The following KSR2 variants were observed in gnomAD, a reference collection of about 807,000 sequenced individuals.
KSR2 encodes kinase suppressor of ras 2.
A neutral mutation model predicts 107.8 loss-of-function variants in KSR2; 25 were observed. The ratio of observed to expected loss-of-function variants is 0.23; its 90% CI spans 0.17 to 0.32. KSR2 has a LOEUF of 0.32. Among genes scored for constraint, KSR2 ranks in the 10% least tolerant of loss-of-function variants. The probability of loss-of-function intolerance (pLI) is 1.00; values close to 1 mark genes in which losing one functional copy is unlikely to be tolerated. For synonymous variants in KSR2, 480 were observed against 507.0 expected (o/e 0.95, Z 0.71); for missense variants, 887 against 1,268.9 (o/e 0.70, Z 4.57).
At chr12:117,733,657 T>C (rs1283651281) in intron 4 of KSR2, among the ~76,000 whole-genome samples, 2 of 152,314 alleles carry the variant, frequency 1.3e-5, no homozygotes, top group East Asian at 1.9e-4. Context: ...CTGTCACAGA[T>C]GCTAATTCCT....
In KSR2 at chr12:117,968,879, G is replaced by T; in HGVS notation, c.-624C>A. 4.2e-6 allele frequency: 1 copy of T among 236,312 alleles called. No individual in the cohort carries two copies. The highest frequency in any genetic ancestry group is 8.4e-6 in the Non-Finnish European group (1 of 119,580). 14.6% of individuals were successfully genotyped at this position (236,312 alleles called of 1,614,324 possible). On this transcript the variant is annotated 5_prime_UTR_variant, in exon 1 of 20. Coordinates refer to ENST00000339824, the MANE Select transcript of KSR2 (RefSeq NM_173598.6). The stretch of plus-strand genomic sequence containing the variant: ...GCGGCGGCTACTGCGGCTGGCTGCT[G>T]TCTCCTCCCCGCGCTGCTGCTGCTG...
At chr12:117,948,647 G>T (rs1896268495) in intron 1 of KSR2, among the ~76,000 whole-genome samples, 2 of 152,156 alleles carry the variant, frequency 1.3e-5, no homozygotes, top group South Asian at 4.1e-4. Context: ...GCAATTCAGT[G>T]GAGAAAGAAA....
At chr12:117,487,172 A>G (rs1872510813) in intron 14 of KSR2, among the ~76,000 whole-genome samples, 1 of 152,242 alleles carries the variant, frequency 6.6e-6, no homozygotes, top group African/African-American at 2.4e-5. Flanking sequence ...TATTATAAAA[A>G]GTTGTTAAGT....
chr12:117,899,392 C>T (rs999659913), intron 1 of KSR2, among the ~76,000 whole-genome samples: 1 of 152,096 alleles, frequency 6.6e-6, no homozygotes, highest in Non-Finnish European at 1.5e-5. Context: ...ACTCAGGAGG[C>T]TGAGGCGGGA....
intron 4 of KSR2, among the ~76,000 whole-genome samples, chr12:117,686,151 C>T (rs1302742691): frequency 6.6e-6 from 1 of 150,854 alleles, no homozygotes; most frequent in African/African-American, 2.4e-5. Flanking sequence ...AGGGTTCAAG[C>T]CATCCTCCTG....
chr12:117,552,420 C>T (rs1311027757), intron 9 of KSR2, among the ~76,000 whole-genome samples: 1 of 152,196 alleles, frequency 6.6e-6, no homozygotes, highest in East Asian at 1.9e-4. Flanking sequence ...TGACTGCTTC[C>T]ATCAGTAAAG....
At chr12:117,513,580 GCCA>G (rs1285289830) in intron 14 of KSR2, among the ~76,000 whole-genome samples, 5 of 152,220 alleles carry the variant, frequency 3.3e-5, no homozygotes, top group African/African-American at 1.2e-4. Flanking sequence ...CAAGTCACAA[GCCA>G]GGCAGGTTTG....
intron 1 of KSR2, among the ~76,000 whole-genome samples, chr12:117,948,783 G>A (rs1363752251): frequency 1.3e-5 from 2 of 152,188 alleles, no homozygotes; most frequent in African/African-American, 4.8e-5. Flanking sequence ...AGTAATTGGA[G>A]TTTTTGCCAT....
intron 14 of KSR2, among the ~76,000 whole-genome samples, chr12:117,506,305 G>T (rs929622637): frequency 6.6e-6 from 1 of 152,216 alleles, no homozygotes; most frequent in African/African-American, 2.4e-5. Flanking sequence ...CAGCCTGGAA[G>T]AATTAGACTA....
intron 1 of KSR2, among the ~76,000 whole-genome samples, chr12:117,965,598 C>T (rs961084406): frequency 6.6e-6 from 1 of 152,188 alleles, no homozygotes; most frequent in African/African-American, 2.4e-5. Context: ...ATCATCTATT[C>T]AATTTATTAC....
In KSR2 at chr12:117,674,250, A is replaced by G. The variant is rs369263163; in HGVS notation, c.987-6592T>C. ...TCATTACTCTCCATCTCTAGCCCCA[A>G]TGTTCTGGTCCAAGCCACCACCTTC... is the stretch of plus-strand genomic sequence containing the variant. On this transcript the variant is annotated intron_variant, in intron 4 of 19. Coordinates refer to ENST00000339824, the MANE Select transcript of KSR2 (RefSeq NM_173598.6). 7.0e-5 allele frequency: 35 copies of G among 497,804 alleles called. 1 individual carries two copies. The highest frequency in any genetic ancestry group is 3.2e-4 in the Middle Eastern group (1 of 3,124). The allele number at this position is 497,804 out of a possible 1,614,324, so 30.8% of individuals were successfully genotyped here. A position where few individuals can be genotyped will look rare whatever the true frequency, so the allele number is the denominator to read the frequency against.
At chr12:117,689,199 T>C (rs934613156) in intron 4 of KSR2, among the ~76,000 whole-genome samples, 6 of 152,234 alleles carry the variant, frequency 3.9e-5, no homozygotes, top group African/African-American at 1.4e-4. Flanking sequence ...ATATGTGCTG[T>C]TTGGCAGTTT....
At chr12:117,762,868 CAA>C (rs796642333) in intron 3 of KSR2, among the ~76,000 whole-genome samples, 3 of 135,836 alleles carry the variant, frequency 2.2e-5, no homozygotes, top group East Asian at 2.1e-4. Flanking sequence ...AACTCAGTCT[CAA>C]AAAAAAAAAA....
At position 117,854,667 on chromosome 12, in the gene KSR2, G is replaced by A. The variant is rs998217891; in HGVS notation, c.472+761C>T. Among the ~76,000 whole-genome samples the A allele has an allele frequency of 3.3e-5, 5 of 152,258 alleles. No individual in the cohort carries two copies. In the East Asian group the frequency reaches 5.8e-4, roughly 18 times the overall value. ...TCTCCGTGGCTGGCATGTGCAGAGC[G>A]GATCCCTTGGGACAGAAAGGCCCCA... On this transcript the variant is annotated intron_variant, in intron 3 of 19. Coordinates refer to ENST00000339824, the MANE Select transcript of KSR2 (RefSeq NM_173598.6).
At chr12:117,719,128 A>G (rs1347788415) in intron 4 of KSR2, among the ~76,000 whole-genome samples, 2 of 152,202 alleles carry the variant, frequency 1.3e-5, no homozygotes, top group Non-Finnish European at 2.9e-5. Flanking sequence ...ACGTAGATTC[A>G]TTGGCAACAT....
Position 117,761,306 on chromosome 12 carries a change from C to A in KSR2, c.691G>T (p.Ala231Ser). The change falls in exon 4 of 20, where the codon GCC becomes TCC. Residue 231 changes from alanine (A) to serine (S), a missense_variant. Physicochemically the swap from Ala to Ser is moderately conservative, Grantham distance 99. This residue lies in a region of KSR2 where 399 missense variants were observed against 479.5 expected (regional missense o/e 0.83). Transcript: ENST00000339824. ...YTHVDRLTVD[A>S]YPGLCPPPPL... ...GGGGGCGGGCACAAGCCCGGGTAGG[C>A]GTCCACGGTAAGCCTGTCCACGTGG... 2.0e-6 allele frequency: 3 copies of A among 1,524,732 alleles called. No individual in the cohort carries two copies. The highest frequency in any genetic ancestry group is 2.6e-6 in the Non-Finnish European group (3 of 1,140,420). The allele number at this position is 1,524,732 out of a possible 1,614,324, so 94.5% of individuals were successfully genotyped here.
intron 4 of KSR2, among the ~76,000 whole-genome samples, chr12:117,715,088 C>T (rs574060494): frequency 6.6e-6 from 1 of 152,206 alleles, no homozygotes; most frequent in African/African-American, 2.4e-5. Context: ...CCCCTGGATA[C>T]ATAAATTCTC....
At chr12:117,718,637 T>C (rs945717969) in intron 4 of KSR2, among the ~76,000 whole-genome samples, 4 of 152,168 alleles carry the variant, frequency 2.6e-5, no homozygotes, top group Non-Finnish European at 5.9e-5. Context: ...TCATATGCAT[T>C]GGAAGCTCAG....
At chr12:117,795,875 C>T (rs1047145500) in intron 3 of KSR2, among the ~76,000 whole-genome samples, 4 of 152,178 alleles carry the variant, frequency 2.6e-5, no homozygotes, top group African/African-American at 7.2e-5. Context: ...CCTCCCAAAG[C>T]GCCAGGACTA....
Sources: allele counts gnomAD v4.1 joint callset (sites outside exome capture counted in the v4.1 genomes callset), GRCh38; gene constraint gnomAD v4.1.1; regional missense constraint gnomAD v4.1.1; transcripts MANE v1.5; gene names NCBI Gene and HGNC (gene_info 2026-07-23, HGNC 2026-07-21).